The following LRPPRC variants were observed in gnomAD, a reference collection of about 807,000 sequenced individuals.
LRPPRC encodes the protein leucine rich pentatricopeptide repeat containing.
In LRPPRC, 120 loss-of-function variants were observed where a neutral mutation model predicts 180.3. The ratio of observed to expected loss-of-function variants is 0.67; its 90% CI spans 0.57 to 0.77. The LOEUF (loss-of-function observed/expected upper bound fraction) is 0.77, where lower values mean the gene tolerates loss of function less well. Among genes scored for constraint, LRPPRC ranks in the 30% least tolerant of loss-of-function variants. LRPPRC has a pLI of 0.00. For missense variants in LRPPRC, 2,012 were observed against 1,657.2 expected, an observed-to-expected ratio of 1.21 and a Z score of -3.72; for synonymous variants, 723 against 600.0, an observed-to-expected ratio of 1.21 and a Z score of -3.00.
chr2:43,977,248 A>G lies in LRPPRC; in HGVS notation c.498T>C (p.Asn166=). ...LGAVYDVSHY[N]ALLKVYLQNE... ...TTTGAAGATAGACTTTAAGTAAAGC[A>G]TTATAGTGACTCACATCATACACAG... Residue 166 remains asparagine (N), a synonymous_variant, in exon 4 of 38, where the codon AAT becomes AAC. Transcript: ENST00000260665. 6 of 1,601,248 alleles carry G rather than the reference A, an allele frequency of 3.7e-6. No individual in the cohort carries two copies. Among genetic ancestry groups the G allele is most frequent in the Non-Finnish European group, 4.3e-6 (5 of 1,168,532 alleles).
intron 1 of LRPPRC, among the ~76,000 whole-genome samples, chr2:43,990,633 T>C (rs901381905): frequency 6.6e-6 from 1 of 152,174 alleles, no homozygotes; most frequent in Non-Finnish European, 1.5e-5. Flanking sequence ...TCCACTACCA[T>C]GTGTCCTCTA....
intron 25 of LRPPRC, among the ~76,000 whole-genome samples, chr2:43,926,675 T>C (rs889316639): frequency 5.9e-5 from 9 of 152,240 alleles, no homozygotes; most frequent in Admixed American, 1.3e-4. Context: ...CTGCACGTGC[T>C]CTTTCTCATT....
chr2:43,901,795 G>A, intron 31 of LRPPRC: 7 of 396,060 alleles, frequency 1.8e-5, no homozygotes, highest in Middle Eastern at 7.5e-4. Context: ...TTCCATTTAG[G>A]GATAACATTC....
chr2:43,943,004 G>A (rs984158683), intron 23 of LRPPRC, among the ~76,000 whole-genome samples: 1 of 151,844 alleles, frequency 6.6e-6, no homozygotes, highest in Non-Finnish European at 1.5e-5. Context: ...TGAAAAAGCT[G>A]ACAAAGAAGA....
chr2:43,932,237 G>T (rs780073385), intron 25 of LRPPRC, among the ~76,000 whole-genome samples: 1 of 148,822 alleles, frequency 6.7e-6, no homozygotes, highest in Non-Finnish European at 1.5e-5. Flanking sequence ...CAAAAAAACA[G>T]GTGATATTTA....
At chr2:43,981,761 T>C (rs1377431245) in intron 2 of LRPPRC, among the ~76,000 whole-genome samples, 1 of 152,098 alleles carries the variant, frequency 6.6e-6, no homozygotes, top group Non-Finnish European at 1.5e-5. Flanking sequence ...ATCAACAGAA[T>C]ATAACAAAGA....
At chr2:43,904,707 C>CAAAAAAAAAAAAAAAAA (rs796673288) in intron 31 of LRPPRC, 2 of 80,982 alleles carry the variant, frequency 2.5e-5, no homozygotes, top group South Asian at 3.0e-4. Context: ...AAAACAAAAA[C>CAAAAAAAAAAAAAAAAA]AAAAAAAAAA....
At chr2:43,934,420 A>AG in intron 24 of LRPPRC, 124 bp from the exon 25 acceptor site, 1 of 643,946 alleles carries the variant, frequency 1.6e-6, no homozygotes, top group Non-Finnish European at 2.7e-6. Flanking sequence ...AGAATAACTT[A>AG]AAGAATATAG....
intron 31 of LRPPRC, chr2:43,902,772 T>C (rs1338681931): frequency 6.6e-6 from 1 of 152,174 alleles, no homozygotes; most frequent in Non-Finnish European, 1.5e-5. Context: ...CACAGATAAT[T>C]ATAATAATAG....
At chr2:43,963,899 CCT>C (rs1572553204) in intron 11 of LRPPRC, 193 bp from the exon 12 acceptor site, 1 of 605,134 alleles carries the variant, frequency 1.7e-6, no homozygotes, top group Non-Finnish European at 2.9e-6. Context: ...TCTTCATCCC[CCT>C]CTGTGAAACA....
intron 15 of LRPPRC, 114 bp downstream of exon 15, chr2:43,950,459 A>C (rs1162081492): frequency 3.0e-5 from 29 of 956,648 alleles, no homozygotes; most frequent in Non-Finnish European, 4.7e-5. Context: ...TCTGCCAGCA[A>C]AATTTTAGTA....
intron 23 of LRPPRC, among the ~76,000 whole-genome samples, chr2:43,939,634 C>T (rs932522446): frequency 4.6e-5 from 7 of 152,320 alleles, no homozygotes; most frequent in Admixed American, 3.3e-4. Flanking sequence ...GTTAAGAGAA[C>T]CAGCACTTGA....
At chr2:43,991,097 T>C (rs2103778597) in intron 1 of LRPPRC, among the ~76,000 whole-genome samples, 1 of 151,696 alleles carries the variant, frequency 6.6e-6, no homozygotes, top group East Asian at 1.9e-4. Context: ...TGGCCTGATC[T>C]CTGCTCACTA....
intron 30 of LRPPRC, among the ~76,000 whole-genome samples, chr2:43,911,025 C>T (rs1247133641): frequency 2.0e-5 from 3 of 151,826 alleles, no homozygotes; most frequent in African/African-American, 7.3e-5. Flanking sequence ...TGGAGAGTTT[C>T]ATAATTTTCT....
At chr2:43,988,236 C>CAA (rs35197756) in intron 1 of LRPPRC, among the ~76,000 whole-genome samples, 18,199 of 95,466 alleles carry the variant, frequency 0.19, 1,770 homozygotes, top group African/African-American at 0.3. Flanking sequence ...GACTCTGTCT[C>CAA]AAAAAAAAAA....
chr2:43,983,221 A>G (rs556756547), intron 1 of LRPPRC, among the ~76,000 whole-genome samples: 1 of 152,274 alleles, frequency 6.6e-6, no homozygotes, highest in South Asian at 2.1e-4. Flanking sequence ...TAAACCATTC[A>G]CTATTTTAGT....
chr2:43,970,378 T>A (rs1485959881), intron 11 of LRPPRC, among the ~76,000 whole-genome samples: 1 of 152,200 alleles, frequency 6.6e-6, no homozygotes, highest in Non-Finnish European at 1.5e-5. Context: ...CAAAGAAAGA[T>A]ATTCTGTTCA....
At position 43,991,638 on chromosome 2, in the gene LRPPRC, A is replaced by C. The variant is rs115469362; in HGVS notation, c.149+4161T>G. 5.9e-3 allele frequency among the ~76,000 whole-genome samples: 900 copies of C among 152,370 alleles called. 9 individuals carry two copies. The highest frequency in any genetic ancestry group is 0.021 in the African/African-American group (856 of 41,584). ...CAAAGCAAGAGTATTTATCACCTCA[A>C]AGAGAACAGAGTAAAAGCTGGTTTT... On this transcript the variant is annotated intron_variant, in intron 1 of 37. Coordinates refer to ENST00000260665, the MANE Select transcript of LRPPRC (RefSeq NM_133259.4).
chr2:43,908,131 G>C (rs781116614), intron 30 of LRPPRC, among the ~76,000 whole-genome samples: 3 of 152,166 alleles, frequency 2.0e-5, no homozygotes, highest in Non-Finnish European at 4.4e-5. Flanking sequence ...AGGAAGCCAA[G>C]AGGAACGACA....
Sources: gnomAD v4.1 joint callset for allele counts (sites outside exome capture counted in the v4.1 genomes callset) on GRCh38, gnomAD v4.1.1 for gene constraint, MANE v1.5 for transcripts, NCBI Gene and HGNC (gene_info 2026-07-23, HGNC 2026-07-21) for gene names.